Variants in CRPPA observed in about 807,000 individuals in gnomAD.
CRPPA encodes CDP-L-ribitol pyrophosphorylase A.
In CRPPA, 43 loss-of-function variants were observed where a neutral mutation model predicts 52.0. The observed-to-expected ratio is 0.83, with a 90% confidence interval of 0.65 to 1.07. The LOEUF is 1.07. CRPPA is among the 50% of genes least tolerant of loss of function. CRPPA has a pLI of 0.00. For missense variants in CRPPA, 629 were observed against 551.7 expected, an observed-to-expected ratio of 1.14 and a Z score of -1.40; for synonymous variants, 250 against 203.5, an observed-to-expected ratio of 1.23 and a Z score of -1.94.
intron 9 of CRPPA, among the ~76,000 whole-genome samples, chr7:16,124,907 G>C (rs1034141979): frequency 6.6e-6 from 1 of 151,880 alleles, no homozygotes; most frequent in African/African-American, 2.4e-5. Context: ...ATTGAGGAGT[G>C]GAAAGAGGAA....
In CRPPA at chr7:16,390,181, C is replaced by T. The variant is rs374171213; in HGVS notation, c.535-13940G>A. 4.6e-5 allele frequency among the ~76,000 whole-genome samples: 7 copies of T among 151,908 alleles called. No individual in the cohort carries two copies. In the South Asian group the frequency reaches 1.5e-3, roughly 32 times the overall value. ...ATACGTCTCTACATTTAGTCTTCTT[C>T]TTTCTGTCCTGCCTCCTCAATTTCC... On this transcript the variant is annotated intron_variant, in intron 2 of 9. Transcript: ENST00000407010.
At chr7:16,213,726 G>GCAA (rs979167071) in intron 9 of CRPPA, among the ~76,000 whole-genome samples, 1 of 148,576 alleles carries the variant, frequency 6.7e-6, no homozygotes, top group Non-Finnish European at 1.5e-5. Context: ...TCCAGCCTGG[G>GCAA]CAACAAGAGA....
intron 3 of CRPPA, among the ~76,000 whole-genome samples, chr7:16,360,035 C>T (rs1013567332): frequency 4.6e-5 from 7 of 152,130 alleles, no homozygotes; most frequent in East Asian, 1.9e-4. Flanking sequence ...GTTTTGTAGA[C>T]GTTTACAACT....
At chr7:16,321,747 G>A (rs1028973244) in intron 3 of CRPPA, among the ~76,000 whole-genome samples, 6 of 152,106 alleles carry the variant, frequency 3.9e-5, no homozygotes, top group Non-Finnish European at 7.4e-5. Flanking sequence ...ACCACTAAAA[G>A]TATTCATAGG....
intron 8 of CRPPA, among the ~76,000 whole-genome samples, chr7:16,242,336 C>G (rs1783139869): frequency 6.6e-6 from 1 of 152,080 alleles, no homozygotes; most frequent in Non-Finnish European, 1.5e-5. Flanking sequence ...TACTATATTA[C>G]TTCCTTTTTC....
chr7:16,288,990 C>G (rs1018913784), intron 5 of CRPPA, among the ~76,000 whole-genome samples: 1 of 150,244 alleles, frequency 6.7e-6, no homozygotes, highest in African/African-American at 2.5e-5. Flanking sequence ...AAAAAAAGAG[C>G]CACCAAATAA....
intron 2 of CRPPA, among the ~76,000 whole-genome samples, chr7:16,378,564 T>C (rs564925704): frequency 1.3e-5 from 2 of 152,214 alleles, no homozygotes; most frequent in South Asian, 2.1e-4. Flanking sequence ...AGTGCCACAA[T>C]AAACATATGT....
chr7:16,200,906 C>T (rs756939640), intron 9 of CRPPA, among the ~76,000 whole-genome samples: 1 of 152,144 alleles, frequency 6.6e-6, no homozygotes, highest in Non-Finnish European at 1.5e-5. Context: ...CTACCACATA[C>T]ACTGAATTCT....
chr7:16,260,644 G>C (rs1023588873), intron 6 of CRPPA, among the ~76,000 whole-genome samples: 3 of 151,580 alleles, frequency 2.0e-5, no homozygotes, highest in Non-Finnish European at 4.4e-5. Flanking sequence ...CCAAGTTTCT[G>C]ACTTCACAGA....
chr7:16,180,740 A>G (rs559559819), intron 9 of CRPPA, among the ~76,000 whole-genome samples: 2 of 152,230 alleles, frequency 1.3e-5, no homozygotes, highest in African/African-American at 4.8e-5. Flanking sequence ...TATGGTAAAT[A>G]TTTAAGGAAA....
At chr7:16,103,961 A>T (rs1431950502) in intron 9 of CRPPA, among the ~76,000 whole-genome samples, 3 of 152,342 alleles carry the variant, frequency 2.0e-5, no homozygotes, top group African/African-American at 7.2e-5. Context: ...AAAGAATAAA[A>T]TGGGCCAATT....
In CRPPA at chr7:16,172,133, T is replaced by G. The variant is rs201540751; in HGVS notation, c.1251+43933A>C. Among the ~76,000 whole-genome samples the G allele has an allele frequency of 3.3e-5, 5 of 152,178 alleles. No homozygotes were observed. In the East Asian group the frequency reaches 9.6e-4, roughly 29 times the overall value. On this transcript the variant is annotated intron_variant, in intron 9 of 9. Transcript: ENST00000407010. ...TCCTACACATTCTTTACTTGGTAAT[T>G]ACAAGAAATTCTTTCCCGATTACTT...
chr7:16,293,981 T>C (rs1784617019), intron 5 of CRPPA, among the ~76,000 whole-genome samples: 1 of 151,996 alleles, frequency 6.6e-6, no homozygotes, highest in African/African-American at 2.4e-5. Flanking sequence ...TTAAACTCCC[T>C]GCTCCTTAAA....
chr7:16,124,493 T>C (rs950420475), intron 9 of CRPPA, among the ~76,000 whole-genome samples: 3 of 152,162 alleles, frequency 2.0e-5, no homozygotes, highest in Non-Finnish European at 1.5e-5. Flanking sequence ...AGATAAATGC[T>C]ACATGTTCTC....
intron 9 of CRPPA, among the ~76,000 whole-genome samples, chr7:16,112,973 A>G (rs927431522): frequency 6.6e-6 from 1 of 152,136 alleles, no homozygotes; most frequent in Admixed American, 6.5e-5. Flanking sequence ...AAACAGACCC[A>G]TTAGCATCAA....
intron 9 of CRPPA, among the ~76,000 whole-genome samples, chr7:16,144,742 C>CG (rs1782940268): frequency 6.6e-6 from 1 of 152,092 alleles, no homozygotes; most frequent in Non-Finnish European, 1.5e-5. Flanking sequence ...TAAATGCGAG[C>CG]GGGGCTGGCT....
At chr7:16,103,814 T>TAG (rs1470569416) in intron 9 of CRPPA, among the ~76,000 whole-genome samples, 1 of 152,218 alleles carries the variant, frequency 6.6e-6, no homozygotes, top group Non-Finnish European at 1.5e-5. Flanking sequence ...AAGCTTATCC[T>TAG]AGAGTTACTT....
intron 3 of CRPPA, among the ~76,000 whole-genome samples, chr7:16,353,995 T>A (rs1786229885): frequency 6.6e-6 from 1 of 152,060 alleles, no homozygotes; most frequent in African/African-American, 2.4e-5. Context: ...TATACAATTA[T>A]CAAAAAAATA....
intron 9 of CRPPA, among the ~76,000 whole-genome samples, chr7:16,199,854 C>CT (rs68003825): frequency 0.064 from 7,667 of 120,094 alleles, 316 homozygotes; most frequent in Non-Finnish European, 0.091. Context: ...TAAGCTTTTT[C>CT]TTTTTTTTTT....
Sources: allele counts gnomAD v4.1 joint callset (sites outside exome capture counted in the v4.1 genomes callset), GRCh38; gene constraint gnomAD v4.1.1; transcripts MANE v1.5; gene names NCBI Gene and HGNC (gene_info 2026-07-23, HGNC 2026-07-21).